Variants in PINX1 observed in about 807,000 individuals in gnomAD.
PINX1 encodes the protein PIN2/TERF1-interacting telomerase inhibitor 1.
PINX1 carries 34 observed loss-of-function variants against 25.4 expected under a neutral mutation model. The observed-to-expected ratio is 1.34, with a 90% confidence interval of 1.02 to 1.78. PINX1 has a LOEUF of 1.78. Ranked by LOEUF, PINX1 falls within the 40% of genes most tolerant of loss-of-function variation. PINX1 has a pLI of 0.00. For missense variants in PINX1, 592 were observed against 404.9 expected (o/e 1.46, Z -3.97); for synonymous variants, 197 against 147.7 (o/e 1.33, Z -2.42).
At chr8:10,817,866 CG>C (rs1797748558) in intron 6 of PINX1, among the ~76,000 whole-genome samples, 1 of 152,218 alleles carries the variant, frequency 6.6e-6, no homozygotes, top group African/African-American at 2.4e-5. Context: ...AGGCTATCCC[CG>C]TGTTCTCAAC....
intron 1 of PINX1, among the ~76,000 whole-genome samples, chr8:10,838,864 A>G (rs1798484220): frequency 6.6e-6 from 1 of 152,206 alleles, no homozygotes; most frequent in South Asian, 2.1e-4. Context: ...TAAAATCGGG[A>G]TGGTGCCTGA....
At chr8:10,819,032 G>T (rs34653170) in intron 6 of PINX1, among the ~76,000 whole-genome samples, 90,322 of 151,956 alleles carry the variant, frequency 0.59, 28,141 homozygotes, top group African/African-American at 0.73. Context: ...CGGCACGGCC[G>T]GATGTCAGAG....
intron 6 of PINX1, among the ~76,000 whole-genome samples, chr8:10,769,656 C>A (rs559105390): frequency 6.6e-6 from 1 of 152,326 alleles, no homozygotes; most frequent in African/African-American, 2.4e-5. Context: ...CTTGCTGCAA[C>A]CTGAGGAGAG....
At chr8:10,776,356 C>T (rs187701873) in intron 6 of PINX1, among the ~76,000 whole-genome samples, 33 of 152,034 alleles carry the variant, frequency 2.2e-4, no homozygotes, top group Admixed American at 4.6e-4. Flanking sequence ...ACCTGAGAAG[C>T]GGAGGTTGCA....
intron 6 of PINX1, among the ~76,000 whole-genome samples, chr8:10,772,515 C>A (rs1022019692): frequency 6.6e-6 from 1 of 152,200 alleles, no homozygotes; most frequent in East Asian, 1.9e-4. Flanking sequence ...TTTACACTCA[C>A]AAAAAGCTTT....
intron 6 of PINX1, among the ~76,000 whole-genome samples, chr8:10,795,069 G>C (rs1269156072): frequency 6.6e-6 from 1 of 152,166 alleles, no homozygotes; most frequent in Non-Finnish European, 1.5e-5. Context: ...TATGCATTCA[G>C]AGAATCAGAA....
intron 6 of PINX1, among the ~76,000 whole-genome samples, chr8:10,801,728 C>G (rs1319457629): frequency 6.6e-6 from 1 of 152,190 alleles, no homozygotes; most frequent in African/African-American, 2.4e-5. Flanking sequence ...CTACAGCAAA[C>G]CACCTCTAAT....
chr8:10,804,614 G>A lies in PINX1; in HGVS notation c.471+15579C>T, dbSNP rs564834978. Among the ~76,000 whole-genome samples the A allele has an allele frequency of 7.2e-5, 11 of 152,234 alleles. No individual in the cohort carries two copies. The East Asian group carries it at 2.1e-3, about 29-fold the overall frequency. The stretch of plus-strand genomic sequence containing the variant: ...GGATGCCCTGCAAGTAGGAAACACT[G>A]GGGCCGGGGAGGCTACTTAGGATTA... On this transcript the variant is annotated intron_variant, in intron 6 of 6. Transcript: ENST00000314787.
chr8:10,825,869 T>G (rs943894081), intron 5 of PINX1, among the ~76,000 whole-genome samples: 2 of 152,260 alleles, frequency 1.3e-5, no homozygotes, highest in East Asian at 1.9e-4. Context: ...AAGTCCCGTT[T>G]TCCTCTAAAT....
intron 1 of PINX1, among the ~76,000 whole-genome samples, chr8:10,835,896 T>C (rs1586216186): frequency 6.6e-6 from 1 of 152,328 alleles, no homozygotes; most frequent in East Asian, 1.9e-4. Context: ...CTGATCATTA[T>C]GAACTCCAGT....
intron 6 of PINX1, among the ~76,000 whole-genome samples, chr8:10,807,913 G>C (rs1218132709): frequency 6.6e-6 from 1 of 152,154 alleles, no homozygotes; most frequent in Non-Finnish European, 1.5e-5. Flanking sequence ...TCTTAAGAGA[G>C]AGGTCTCCTG....
chr8:10,814,138 T>A (rs905528684), intron 6 of PINX1, among the ~76,000 whole-genome samples: 1 of 152,182 alleles, frequency 6.6e-6, no homozygotes, highest in Non-Finnish European at 1.5e-5. Flanking sequence ...AGAAAGTGCA[T>A]ACATCTCCAA....
At chr8:10,805,898 G>A (rs1802434522) in intron 6 of PINX1, among the ~76,000 whole-genome samples, 1 of 75,968 alleles carries the variant, frequency 1.3e-5, no homozygotes, top group Non-Finnish European at 2.7e-5. Context: ...AGTGCTGAGG[G>A]GGTGACAGAG....
At chr8:10,785,091 A>G (rs545950086) in intron 6 of PINX1, among the ~76,000 whole-genome samples, 2 of 152,368 alleles carry the variant, frequency 1.3e-5, no homozygotes, top group Admixed American at 6.5e-5. Context: ...TCTTTTTAGA[A>G]AATTCCCATA....
At chr8:10,813,820 G>C (rs1320871348) in intron 6 of PINX1, among the ~76,000 whole-genome samples, 2 of 151,708 alleles carry the variant, frequency 1.3e-5, no homozygotes, top group African/African-American at 4.8e-5. Flanking sequence ...TCTGGTTTCG[G>C]AGTATTTTCT....
intron 1 of PINX1, 69 bp downstream of exon 1, chr8:10,839,669 G>A: frequency 6.6e-7 from 1 of 1,515,474 alleles, no homozygotes; most frequent in Non-Finnish European, 9.0e-7. Flanking sequence ...AGCCACTCCG[G>A]GCTGCCGTGC....
intron 6 of PINX1, among the ~76,000 whole-genome samples, chr8:10,778,250 T>C (rs1801474208): frequency 6.6e-6 from 1 of 152,176 alleles, no homozygotes; most frequent in South Asian, 2.1e-4. Flanking sequence ...ATCCCTTATT[T>C]GAAATGCTTA....
chr8:10,769,110 T>G (rs1328662850), intron 6 of PINX1, among the ~76,000 whole-genome samples: 1 of 152,236 alleles, frequency 6.6e-6, no homozygotes, highest in Non-Finnish European at 1.5e-5. Flanking sequence ...TGAAAACTTC[T>G]GGTTCCATAT....
At chr8:10,815,605 C>T (rs903554032) in intron 6 of PINX1, among the ~76,000 whole-genome samples, 1 of 152,108 alleles carries the variant, frequency 6.6e-6, no homozygotes, top group East Asian at 1.9e-4. Context: ...TGGGCCCACA[C>T]ATGTTTTGCA....
Sources: gnomAD v4.1 joint callset for allele counts (sites outside exome capture counted in the v4.1 genomes callset) on GRCh38, gnomAD v4.1.1 for gene constraint, MANE v1.5 for transcripts, NCBI Gene and HGNC (gene_info 2026-07-23, HGNC 2026-07-21) for gene names.